Variants in AIFM1 observed in about 807,000 individuals in gnomAD.
AIFM1 encodes apoptosis-inducing factor 1, mitochondrial.
AIFM1 carries 3 observed loss-of-function variants against 51.7 expected under a neutral mutation model. The observed-to-expected ratio is 0.06, with a 90% CI of 0.03 to 0.15. The LOEUF (loss-of-function observed/expected upper bound fraction) is 0.15. AIFM1 is among the 10% of genes least tolerant of loss of function. AIFM1 has a pLI of 1.00. For synonymous variants in AIFM1, 178 were observed against 179.4 expected, an observed-to-expected ratio of 0.99 and a Z score of 0.06; for missense variants, 330 against 476.8, an observed-to-expected ratio of 0.69 and a Z score of 2.87.
At chrX:130,145,398 T>C (rs2030716096) in intron 6 of AIFM1, 81 bp downstream of exon 6, 1 of 745,413 alleles carries the variant, frequency 1.3e-6, no homozygotes, top group South Asian at 2.1e-5. Context: ...CAGACATAAA[T>C]GGTAATGGAA....
In AIFM1 at chrX:130,129,982, T is replaced by G. The variant is rs1279233558; in HGVS notation, c.1758A>C (p.Pro586=). Residue 586 remains proline (P), a synonymous_variant, in exon 15 of 16, where the codon CCA becomes CCC. Transcript: ENST00000287295. ...IVLWNIFNRM[P]IARKIIKDGE... is the part of the protein sequence containing the mutation. ...GACAGGCACCTACCTTCCTTGCTATTGGCATTCGGTTAAAGATGTTCCATA... is the reference window on the plus strand; with the variant it reads ...GACAGGCACCTACCTTCCTTGCTATGGGCATTCGGTTAAAGATGTTCCATA... 7.4e-6 allele frequency: 9 copies of G among 1,210,054 alleles called. No individual in the cohort carries two copies. Among genetic ancestry groups the G allele is most frequent in the Non-Finnish European group, 1.0e-5 (9 of 895,181 alleles).
chrX:130,162,267 G>GT (rs2124679435), intron 1 of AIFM1, among the ~76,000 whole-genome samples: 1 of 112,042 alleles, frequency 8.9e-6, no homozygotes, highest in South Asian at 3.7e-4. Flanking sequence ...GCTCAGTTTG[G>GT]TTTTTTAATC....
At chrX:130,161,742 G>A (rs1248531008) in intron 1 of AIFM1, among the ~76,000 whole-genome samples, 1 of 107,847 alleles carries the variant, frequency 9.3e-6, no homozygotes, top group Non-Finnish European at 1.9e-5. Flanking sequence ...CGAGTAGCAG[G>A]GATTACAGGC....
intron 2 of AIFM1, among the ~76,000 whole-genome samples, chrX:130,150,526 G>A (rs1419053070): frequency 3.9e-5 from 4 of 102,581 alleles, no homozygotes; most frequent in Admixed American, 3.1e-4. Context: ...TAGTAGAGAC[G>A]GGGTTTCACC....
intron 1 of AIFM1, among the ~76,000 whole-genome samples, chrX:130,158,974 G>A (rs2031263723): frequency 9.0e-6 from 1 of 111,210 alleles, no homozygotes; most frequent in Admixed American, 9.6e-5. Flanking sequence ...ATGTGGATCT[G>A]TGGTCTCTCA....
At chrX:130,147,993 C>T (rs2030817603) in intron 3 of AIFM1, 117 bp from the exon 4 acceptor site, 6 of 936,544 alleles carry the variant, frequency 6.4e-6, no homozygotes, top group Non-Finnish European at 9.3e-6. Flanking sequence ...GCTAGCAAAA[C>T]ATATGACCTA....
intron 9 of AIFM1, 45 bp downstream of exon 9, chrX:130,138,548 T>C (rs369809173): frequency 1.6e-5 from 15 of 921,982 alleles, no homozygotes; most frequent in Admixed American, 2.2e-5. Flanking sequence ...AGAAAAGCTA[T>C]ATAAGACTAG....
intron 1 of AIFM1, among the ~76,000 whole-genome samples, chrX:130,161,524 A>C (rs209544): frequency 9.5e-6 from 1 of 105,761 alleles, no homozygotes; most frequent in Non-Finnish European, 1.9e-5. Context: ...AAAAAAAAAA[A>C]AAAAAAAACA....
intron 2 of AIFM1, among the ~76,000 whole-genome samples, chrX:130,151,349 C>T (rs1032339644): frequency 3.6e-5 from 4 of 110,789 alleles, no homozygotes; most frequent in Non-Finnish European, 7.6e-5. Flanking sequence ...CTATGTTGGC[C>T]AGGCTGGTCT....
intron 5 of AIFM1, among the ~76,000 whole-genome samples, chrX:130,146,827 T>A (rs751836921): frequency 8.9e-6 from 1 of 111,994 alleles, no homozygotes; most frequent in South Asian, 3.7e-4. Flanking sequence ...CGTTAAAAAG[T>A]TTCTTTTCTT....
chrX:130,159,886 T>C (rs1015750067), intron 1 of AIFM1, among the ~76,000 whole-genome samples: 2 of 108,820 alleles, frequency 1.8e-5, no homozygotes, highest in African/African-American at 6.7e-5. Flanking sequence ...AGTGGCACAA[T>C]CTCGGCTCAC....
In AIFM1 at chrX:130,163,467, A is replaced by T. The variant is rs146627470; in HGVS notation, c.106+2084T>A. Among the ~76,000 whole-genome samples, 1,040 of 111,976 alleles carry T rather than the reference A, an allele frequency of 9.3e-3. 13 individuals are homozygous for T. The highest frequency in any genetic ancestry group is 0.032 in the African/African-American group (985 of 30,817). ...AGGAATCAAGCCACAAAACAGAGTT[A>T]ATTCCTAAAATGAGAGTATCAGAAC... On this transcript the variant is annotated intron_variant, in intron 1 of 15. Coordinates refer to ENST00000287295, the MANE Select transcript of AIFM1 (RefSeq NM_004208.4).
At chrX:130,131,085 G>C (rs1032260431) in intron 14 of AIFM1, among the ~76,000 whole-genome samples, 2 of 112,094 alleles carry the variant, frequency 1.8e-5, no homozygotes, top group African/African-American at 6.5e-5. Context: ...CAAGGAATAA[G>C]GTCTCGGAGT....
Position 130,141,961 on chromosome X carries a change from C to T in AIFM1, c.697-1344G>A, listed in dbSNP as rs144037917. 3.9e-3 allele frequency among the ~76,000 whole-genome samples: 439 copies of T among 111,755 alleles called. 1 individual carries two copies. Among genetic ancestry groups the T allele is most frequent in the African/African-American group, 0.013 (413 of 30,787 alleles). ...ACCCAAACTGTTCTTTTGCCAGTAC[C>T]TTTAATTCCCTTGCACCCTACTCCT... On this transcript the variant is annotated intron_variant, in intron 6 of 15. Coordinates refer to ENST00000287295, the MANE Select transcript of AIFM1 (RefSeq NM_004208.4).
Position 130,163,304 on chromosome X carries a change from CAA to C in AIFM1, c.106+2245_106+2246del, listed in dbSNP as rs10708248. On this transcript the variant is annotated intron_variant, in intron 1 of 15. Transcript: ENST00000287295. ...TGGGAAACTGAGCGAGACTCCGCCT[CAA>C]AAAAAAAAAAAAAAAAAAGTTTAAA... Among the ~76,000 whole-genome samples, 607 of 66,790 alleles carry C rather than the reference CAA, an allele frequency of 9.1e-3. 1 individual carries two copies. Among genetic ancestry groups the C allele is most frequent in the Middle Eastern group, 0.015 (2 of 132 alleles). The allele number at this position is 66,790 out of a possible 115,157, so 58.0% of individuals were successfully genotyped here. A position where few individuals can be genotyped will look rare whatever the true frequency, so the allele number is the denominator to read the frequency against.
In AIFM1 at chrX:130,140,637, A is replaced by G. The variant is rs1373492501; in HGVS notation, c.697-20T>C. Reference sequence around the variant, plus strand: ...TACTACCTGGTACAGTCACACACATACACAAAAGAGGTAGAGATGAATTAG... The same window carrying G: ...TACTACCTGGTACAGTCACACACATGCACAAAAGAGGTAGAGATGAATTAG... On this transcript the variant is annotated intron_variant, in intron 6 of 15. Coordinates refer to ENST00000287295, the MANE Select transcript of AIFM1 (RefSeq NM_004208.4). The G allele has an allele frequency of 1.8e-6, 2 of 1,132,126 alleles. No individual in the cohort carries two copies. Among genetic ancestry groups the G allele is most frequent in the Admixed American group, 4.3e-5 (2 of 46,012 alleles). The allele number at this position is 1,132,126 out of a possible 1,213,427, so 93.3% of individuals were successfully genotyped here.
chrX:130,154,389 A>C (rs1388221958), intron 2 of AIFM1, among the ~76,000 whole-genome samples: 2 of 112,280 alleles, frequency 1.8e-5, no homozygotes, highest in Non-Finnish European at 3.8e-5. Flanking sequence ...TACTGAACAC[A>C]AAGGCTTTAA....
intron 11 of AIFM1, 60 bp from the exon 12 acceptor site, chrX:130,136,245 G>T: frequency 1.7e-6 from 2 of 1,149,237 alleles, no homozygotes; most frequent in Non-Finnish European, 2.4e-6. Context: ...GCCTACAGGC[G>T]TAACAATGGC....
chrX:130,146,449 ATATGTG>A (rs1256653838), intron 5 of AIFM1, among the ~76,000 whole-genome samples: 9 of 65,134 alleles, frequency 1.4e-4, no homozygotes, highest in East Asian at 5.0e-4. Context: ...GTCTCTCAAA[ATATGTG>A]TGTGTGTGTG....
Sources: gnomAD v4.1 joint callset for allele counts (sites outside exome capture counted in the v4.1 genomes callset) on GRCh38, gnomAD v4.1.1 for gene constraint, MANE v1.5 for transcripts, NCBI Gene and HGNC (gene_info 2026-07-23, HGNC 2026-07-21) for gene names.